The following ITPR2 variants were observed in gnomAD, a reference collection of about 807,000 sequenced individuals.
The protein encoded by ITPR2 is inositol 1,4,5-trisphosphate-gated calcium channel ITPR2.
A neutral mutation model predicts 317.1 loss-of-function variants in ITPR2; 207 were observed. The observed-to-expected ratio is 0.65, with a 90% CI of 0.58 to 0.73. ITPR2 has a LOEUF of 0.73. Ranked by LOEUF, ITPR2 falls within the 30% of genes least tolerant of loss-of-function variation. The pLI is 0.00. For missense variants in ITPR2, 2,613 were observed against 3,284.0 expected (o/e 0.80, Z 4.99); for synonymous variants, 1,156 against 1,149.1 (o/e 1.01, Z -0.12).
Position 26,774,010 on chromosome 12 carries a change from T to TTTTTC in ITPR2, c.163+16146_163+16147insGAAAA, listed in dbSNP as rs150425593. Reference sequence around the variant, plus strand: ...TTTTTTTTTTTTTTTTTTTTTTTTTTAGTATAAAGCATGTAACTCCTGACT... The same window carrying TTTTTC: ...TTTTTTTTTTTTTTTTTTTTTTTTTTTTTTCAGTATAAAGCATGTAACTCCTGACT... On this transcript the variant is annotated intron_variant, in intron 2 of 56. Coordinates refer to ENST00000381340, the MANE Select transcript of ITPR2 (RefSeq NM_002223.4). Among the ~76,000 whole-genome samples, 15 of 112,046 alleles carry TTTTTC rather than the reference T, an allele frequency of 1.3e-4. 2 individuals carry two copies. Among genetic ancestry groups the TTTTTC allele is most frequent in the Non-Finnish European group, 1.9e-4 (10 of 52,996 alleles). 73.5% of individuals were successfully genotyped at this position (112,046 alleles called of 152,430 possible). A position where few individuals can be genotyped will look rare whatever the true frequency, so the allele number is the denominator to read the frequency against.
At chr12:26,631,830 A>C in intron 22 of ITPR2, 36 bp downstream of exon 22, 1 of 1,584,784 alleles carries the variant, frequency 6.3e-7, no homozygotes, top group Non-Finnish European at 8.7e-7. Context: ...AAGCAAAATT[A>C]CATCTTTGTC....
intron 18 of ITPR2, 79 bp from the exon 19 acceptor site, chr12:26,656,627 T>C (rs761876739): frequency 4.0e-5 from 57 of 1,409,694 alleles, no homozygotes; most frequent in Admixed American, 3.1e-4. Context: ...TCAGTATCTA[T>C]GTTTAAGACA....
intron 24 of ITPR2, 41 bp from the exon 25 acceptor site, chr12:26,622,446 A>T: frequency 6.8e-7 from 1 of 1,467,536 alleles, no homozygotes; most frequent in African/African-American, 1.4e-5. Flanking sequence ...TCCTATTTAT[A>T]TAACATCTAC....
In ITPR2 at chr12:26,707,577, G is replaced by A. The variant is rs80164964; in HGVS notation, c.951+3596C>T. Among the ~76,000 whole-genome samples, 1,528 of 152,122 alleles carry A rather than the reference G, an allele frequency of 0.01. 56 individuals are homozygous for A. The East Asian group carries it at 0.13, about 13-fold the overall frequency. On this transcript the variant is annotated intron_variant, in intron 9 of 56. Coordinates refer to ENST00000381340, the MANE Select transcript of ITPR2 (RefSeq NM_002223.4). ...GACAGAGTCTTGTTCTTTTGCCCAC[G>A]CTGAAGTGCAATGGCACGATCTTGG...
At chr12:26,589,578 G>T (rs1945630782) in intron 32 of ITPR2, among the ~76,000 whole-genome samples, 1 of 151,174 alleles carries the variant, frequency 6.6e-6, no homozygotes, top group South Asian at 2.1e-4. Flanking sequence ...CACGAGGTCA[G>T]GGGTTCGAGA....
At chr12:26,433,365 T>C (rs1941267527) in intron 48 of ITPR2, among the ~76,000 whole-genome samples, 1 of 152,210 alleles carries the variant, frequency 6.6e-6, no homozygotes, top group Non-Finnish European at 1.5e-5. Context: ...TCTTCCAGCC[T>C]TGTGTTCGTT....
chr12:26,470,055 C>T (rs923125543), intron 45 of ITPR2, among the ~76,000 whole-genome samples: 1 of 152,182 alleles, frequency 6.6e-6, no homozygotes, highest in African/African-American at 2.4e-5. Flanking sequence ...CCAACCTCAC[C>T]AGCCCCTAGA....
chr12:26,654,084 T>G lies in ITPR2; in HGVS notation c.2632A>C (p.Ser878Arg). Residue 878 changes from serine (S) to arginine (R), a missense_variant, in exon 21 of 57, where the codon AGT becomes CGT. By Grantham distance (110) the Ser-to-Arg change is moderately radical. Around this residue, in one of 9 missense-constraint regions of ITPR2, gnomAD observed 817 missense variants for 897.6 expected, o/e 0.91. Transcript: ENST00000381340. The part of the protein sequence containing the change: ...ARNLIYFGFY[S>R]FSELLRLTRT... Reference sequence around the variant, plus strand: ...GTTAGCCTTAATAACTCACTGAAACTATAAAATCCAAAGTATATAAGATTC... The same window carrying G: ...GTTAGCCTTAATAACTCACTGAAACGATAAAATCCAAAGTATATAAGATTC... The G allele has an allele frequency of 7.3e-7, 1 of 1,361,992 alleles. No homozygotes were observed. The highest frequency in any genetic ancestry group is 9.7e-7 in the Non-Finnish European group (1 of 1,033,490). 84.4% of individuals were successfully genotyped at this position (1,361,992 alleles called of 1,614,324 possible). A position where few individuals can be genotyped will look rare whatever the true frequency, so the allele number is the denominator to read the frequency against.
chr12:26,501,436 C>A (rs558441036), intron 37 of ITPR2, among the ~76,000 whole-genome samples: 5 of 152,278 alleles, frequency 3.3e-5, no homozygotes, highest in Admixed American at 6.5e-5. Context: ...CTCCTATAAT[C>A]TAGCTGTTTA....
chr12:26,476,967 C>T lies in ITPR2; in HGVS notation c.6164G>A (p.Arg2055Lys). The change falls in exon 44 of 57, where the codon AGA becomes AAA. Residue 2055 changes from arginine to lysine, a missense_variant. Physicochemically the swap from Arg to Lys is conservative, Grantham distance 26. Transcript: ENST00000381340. ...SKLLLAIMES[R>K]HDSENAERIL... ...TCTTTCTGCATTCTCACTGTCATGT[C>T]TGCTTTCCATAATGGCCAGCAAAAG... 1 of 1,613,602 alleles carries T rather than the reference C, an allele frequency of 6.2e-7. No individual in the cohort carries two copies. Among genetic ancestry groups the T allele is most frequent in the East Asian group, 2.2e-5 (1 of 44,844 alleles).
Position 26,763,767 on chromosome 12 carries a change from C to T in ITPR2, c.163+26390G>A, listed in dbSNP as rs146837678. 3.0e-4 allele frequency among the ~76,000 whole-genome samples: 45 copies of T among 152,160 alleles called. No homozygotes were observed. The East Asian group carries it at 8.7e-3, about 29-fold the overall frequency. On this transcript the variant is annotated intron_variant, in intron 2 of 56. Coordinates refer to ENST00000381340, the MANE Select transcript of ITPR2 (RefSeq NM_002223.4). Reference sequence around the variant, plus strand: ...GAAGTGAAGGGACTTATATGATTACCTGAATGCTAAGACTGGGTAAAATTA... The same window carrying T: ...GAAGTGAAGGGACTTATATGATTACTTGAATGCTAAGACTGGGTAAAATTA...
intron 49 of ITPR2, among the ~76,000 whole-genome samples, chr12:26,422,984 G>C (rs888637038): frequency 6.6e-6 from 1 of 152,070 alleles, no homozygotes. Flanking sequence ...CAATGTGTAA[G>C]GCAAAATTTG....
At chr12:26,793,514 A>G (rs986076843) in intron 1 of ITPR2, among the ~76,000 whole-genome samples, 15 of 152,172 alleles carry the variant, frequency 9.9e-5, no homozygotes, top group African/African-American at 3.6e-4. Flanking sequence ...ACTCTAGGCT[A>G]TCCTCTACCA....
intron 2 of ITPR2, among the ~76,000 whole-genome samples, chr12:26,764,911 T>C (rs11608906): frequency 0.049 from 7,510 of 152,176 alleles, 263 homozygotes; most frequent in Non-Finnish European, 0.073. Flanking sequence ...ATTGTTATTG[T>C]TTTCTCTTCT....
intron 13 of ITPR2, among the ~76,000 whole-genome samples, chr12:26,672,940 G>C (rs1015735456): frequency 6.6e-6 from 1 of 152,164 alleles, no homozygotes; most frequent in African/African-American, 2.4e-5. Context: ...AAATAAACTA[G>C]AAAATCTAGA....
intron 48 of ITPR2, among the ~76,000 whole-genome samples, chr12:26,435,264 C>T (rs1289735117): frequency 1.3e-5 from 2 of 152,180 alleles, no homozygotes; most frequent in Non-Finnish European, 2.9e-5. Flanking sequence ...TCTCTTTCCA[C>T]TACGCTTCCT....
intron 45 of ITPR2, among the ~76,000 whole-genome samples, chr12:26,462,655 T>A (rs1036729980): frequency 6.7e-6 from 1 of 150,242 alleles, no homozygotes; most frequent in African/African-American, 2.4e-5. Flanking sequence ...ATGTCAGCTA[T>A]ATAGTTAAGC....
chr12:26,646,162 G>A (rs1947109719), intron 21 of ITPR2, among the ~76,000 whole-genome samples: 1 of 151,780 alleles, frequency 6.6e-6, no homozygotes, highest in Admixed American at 6.6e-5. Context: ...TTCAATGAAC[G>A]AGGAAGATTA....
In ITPR2 at chr12:26,656,349, C is replaced by G. The variant is rs972185608; in HGVS notation, c.2392G>C (p.Val798Leu). 6.2e-7 allele frequency: 1 copy of G among 1,614,044 alleles called. No homozygotes were observed. Among genetic ancestry groups the G allele is most frequent in the Non-Finnish European group, 8.5e-7 (1 of 1,180,050 alleles). The change falls in exon 19 of 57, where the codon GTT (valine) becomes CTT (leucine). Residue 798 changes from valine to leucine, a missense_variant. This residue lies in a region of ITPR2 where 817 missense variants were observed against 897.6 expected (regional missense o/e 0.91). Transcript: ENST00000381340. ...TCTGTCCAGAGCCTGGCATAGCGAA[C>G]AGGCACCACGGACTCCTGGGGATCC... Reference protein sequence around the residue: ...DRDPQESVVPVRYARLWTEIP... With the variant: ...DRDPQESVVPLRYARLWTEIP...
Sources: allele counts gnomAD v4.1 joint callset (sites outside exome capture counted in the v4.1 genomes callset), GRCh38; gene constraint gnomAD v4.1.1; regional missense constraint gnomAD v4.1.1; transcripts MANE v1.5; gene names NCBI Gene and HGNC (gene_info 2026-07-23, HGNC 2026-07-21).